Variants in FAM135A observed in about 807,000 individuals in gnomAD.
FAM135A encodes the protein family with sequence similarity 135 member A.
Under a neutral mutation model 146.8 loss-of-function variants are expected in FAM135A, and 79 were observed. The observed-to-expected ratio is 0.54, with a 90% CI of 0.45 to 0.65. The LOEUF (loss-of-function observed/expected upper bound fraction) is 0.65, where lower values mean the gene tolerates loss of function less well. Ranked by LOEUF, FAM135A falls within the 30% of genes least tolerant of loss-of-function variation. The pLI, the probability that FAM135A is intolerant of heterozygous loss-of-function variation, is 0.00. For synonymous variants in FAM135A, 562 were observed against 603.6 expected, an observed-to-expected ratio of 0.93 and a Z score of 1.01; for missense variants, 1,623 against 1,758.2, an observed-to-expected ratio of 0.92 and a Z score of 1.38.
chr6:70,516,820 C>A (rs1792374464), intron 12 of FAM135A, among the ~76,000 whole-genome samples: 1 of 151,940 alleles, frequency 6.6e-6, no homozygotes. Flanking sequence ...CAGGTGTGAG[C>A]CACCGTGCCC....
intron 12 of FAM135A, among the ~76,000 whole-genome samples, chr6:70,521,509 C>G (rs888976899): frequency 1.3e-5 from 2 of 152,136 alleles, no homozygotes; most frequent in African/African-American, 4.8e-5. Flanking sequence ...ACTTGTTTGT[C>G]TGAAGACCCA....
At chr6:70,528,197 G>A (rs1795098001) in intron 15 of FAM135A, 95 bp from the exon 16 acceptor site, 1 of 1,203,986 alleles carries the variant, frequency 8.3e-7, no homozygotes, top group Non-Finnish European at 1.1e-6. Context: ...ACCAAATATT[G>A]TTGGGTTTCC....
rs9446260 is a variant in FAM135A, at chr6:70,536,275, G to T, written c.3981G>T (p.Ser1327=). The change falls in exon 19 of 22, where the codon TCG becomes TCT. Residue 1327 remains serine, a synonymous_variant. Coordinates refer to ENST00000418814, the MANE Select transcript of FAM135A (RefSeq NM_001162529.3). ...TVSKISFIGH[S]LGNLIIRSVL... is the part of the protein sequence containing the mutation. ...CCTCTTAAAGCTTTATTGGACATTC[G>T]TTGGGCAATTTAATAATTCGTTCAG... 2.1e-5 allele frequency: 33 copies of T among 1,606,066 alleles called. No individual in the cohort carries two copies. The highest frequency in any genetic ancestry group is 2.7e-5 in the Non-Finnish European group (32 of 1,177,636).
chr6:70,522,625 C>A (rs779306354), intron 13 of FAM135A, 39 bp downstream of exon 13: 1 of 1,493,860 alleles, frequency 6.7e-7, no homozygotes, highest in Non-Finnish European at 9.3e-7. Flanking sequence ...GATATTACTT[C>A]CTTTTACATA....
rs186156062 is a variant in FAM135A at position 70,475,284 on chromosome 6, G to A, written c.158-126G>A. 20 of 679,114 alleles carry A rather than the reference G, an allele frequency of 2.9e-5. No individual in the cohort carries two copies. In the East Asian group the frequency reaches 5.5e-4, roughly 19 times the overall value. The allele number at this position is 679,114 out of a possible 1,614,324, so 42.1% of individuals were successfully genotyped here. A position where few individuals can be genotyped will look rare whatever the true frequency, so the allele number is the denominator to read the frequency against. ...AAACTTTCAGAAATGTTCCAATACT[G>A]CAGTATAAATTGATAATGACACTAT... On this transcript the variant is annotated intron_variant, in intron 5 of 21. Transcript: ENST00000418814.
chr6:70,447,617 G>C (rs1433402675), intron 4 of FAM135A, among the ~76,000 whole-genome samples: 1 of 152,206 alleles, frequency 6.6e-6, no homozygotes, highest in Non-Finnish European at 1.5e-5. Flanking sequence ...TGAGGGAATG[G>C]TCTGAGCTGG....
chr6:70,495,654 A>G (rs908845525), intron 11 of FAM135A, among the ~76,000 whole-genome samples: 1 of 152,156 alleles, frequency 6.6e-6, no homozygotes, highest in Non-Finnish European at 1.5e-5. Flanking sequence ...TATTTTTATT[A>G]TACTTCAAGT....
intron 10 of FAM135A, 146 bp from the exon 11 acceptor site, chr6:70,490,883 TTAATA>T (rs1417078822): frequency 4.4e-6 from 2 of 455,446 alleles, no homozygotes; most frequent in African/African-American, 4.1e-5. Flanking sequence ...ACCTATGTAA[TTAATA>T]TGTTTATGAA....
At chr6:70,532,782 A>T (rs1201820710) in intron 16 of FAM135A, among the ~76,000 whole-genome samples, 1 of 152,110 alleles carries the variant, frequency 6.6e-6, no homozygotes, top group African/African-American at 2.4e-5. Context: ...AATACAAAAT[A>T]TTAGCTGGGC....
chr6:70,508,408 C>A (rs1474416843), intron 12 of FAM135A, among the ~76,000 whole-genome samples: 1 of 152,152 alleles, frequency 6.6e-6, no homozygotes, highest in Non-Finnish European at 1.5e-5. Flanking sequence ...TTTTACTGAT[C>A]TTTATTGCTA....
intron 12 of FAM135A, among the ~76,000 whole-genome samples, chr6:70,511,953 G>A (rs929779300): frequency 6.6e-6 from 1 of 151,768 alleles, no homozygotes; most frequent in African/African-American, 2.4e-5. Context: ...GTAATTTTAG[G>A]GGAGACCATC....
rs745331905 is a variant in FAM135A, at chr6:70,526,750, TACACACACACACACATACACACACAC to T, written c.3614+68_3614+93del. On this transcript the variant is annotated intron_variant, in intron 15 of 21. Transcript: ENST00000418814. Reference sequence around the variant, plus strand: ...GCTGCTAAATATATACATATATATATACACACACACACACATACACACACACACACACACACACACACACACACACA... The same window carrying T: ...GCTGCTAAATATATACATATATATATACACACACACACACACACACACACA... The T allele has an allele frequency of 2.5e-4, 210 of 851,584 alleles. 2 individuals carry two copies. The African/African-American group carries it at 4.0e-3, about 16-fold the overall frequency. 52.8% of individuals were successfully genotyped at this position (851,584 alleles called of 1,614,324 possible). A position where few individuals can be genotyped will look rare whatever the true frequency, so the allele number is the denominator to read the frequency against.
intron 5 of FAM135A, among the ~76,000 whole-genome samples, chr6:70,469,682 G>A (rs888502596): frequency 2.0e-5 from 3 of 152,076 alleles, no homozygotes; most frequent in African/African-American, 7.2e-5. Flanking sequence ...CCTAACCACT[G>A]CACTATGCTG....
intron 20 of FAM135A, among the ~76,000 whole-genome samples, chr6:70,545,179 ATGC>A (rs1798637432): frequency 6.6e-6 from 1 of 152,236 alleles, no homozygotes; most frequent in Non-Finnish European, 1.5e-5. Flanking sequence ...TTTTATCTAA[ATGC>A]TGATATTACT....
In FAM135A at chr6:70,560,695, C is replaced by T. The variant is rs1320171755; in HGVS notation, c.*774C>T. The T allele has an allele frequency of 6.6e-6, 1 of 152,436 alleles. No individual in the cohort carries two copies. Among genetic ancestry groups the T allele is most frequent in the Non-Finnish European group, 1.5e-5 (1 of 67,960 alleles). The allele number at this position is 152,436 out of a possible 1,614,324, so 9.4% of individuals were successfully genotyped here. On this transcript the variant is annotated 3_prime_UTR_variant, in exon 22 of 22. Coordinates refer to ENST00000418814, the MANE Select transcript of FAM135A (RefSeq NM_001162529.3). ...TGCTAAATTGGTAATGTTGCTTGAA[C>T]TTTATGACTACATTTTCTTTTAACT...
chr6:70,535,209 C>G (rs1796575017), intron 18 of FAM135A, among the ~76,000 whole-genome samples: 1 of 152,166 alleles, frequency 6.6e-6, no homozygotes. Context: ...GGAAGTTTGT[C>G]CTGAGCGTCT....
At chr6:70,440,406 G>A (rs1774188682) in intron 4 of FAM135A, among the ~76,000 whole-genome samples, 2 of 152,140 alleles carry the variant, frequency 1.3e-5, no homozygotes, top group African/African-American at 4.8e-5. Flanking sequence ...GATATCCAGG[G>A]CTGGGCACGG....
rs184433025 is a variant in FAM135A at position 70,482,900 on chromosome 6, A to G, written c.823+746A>G. On this transcript the variant is annotated intron_variant, in intron 10 of 21. Transcript: ENST00000418814. ...ATTGGCTAATAGCTTATAAAAATAT[A>G]TTTTAATTTCTTTAGAATATATTGT... Among the ~76,000 whole-genome samples, 7 of 151,044 alleles carry G rather than the reference A, an allele frequency of 4.6e-5. No individual in the cohort carries two copies. The East Asian group carries it at 1.4e-3, about 30-fold the overall frequency.
intron 4 of FAM135A, among the ~76,000 whole-genome samples, chr6:70,450,507 C>T (rs558768578): frequency 1.3e-5 from 2 of 151,994 alleles, no homozygotes; most frequent in African/African-American, 4.8e-5. Flanking sequence ...TTCCCCACAC[C>T]ATTTATTGAA....
Sources: allele counts gnomAD v4.1 joint callset (sites outside exome capture counted in the v4.1 genomes callset), GRCh38; gene constraint gnomAD v4.1.1; transcripts MANE v1.5; gene names NCBI Gene and HGNC (gene_info 2026-07-23, HGNC 2026-07-21).